C11orf71: variants seen among roughly 807,000 people sequenced by gnomAD.
C11orf71 encodes chromosome 11 open reading frame 71.
For synonymous variants in C11orf71, 72 were observed against 73.4 expected (o/e 0.98, Z 0.09); for missense variants, 179 against 167.6 (o/e 1.07, Z -0.38).
chr11:114,394,228 C>CTTTTCTTTTCTTTTCTTTCT, downstream of C11orf71, among the ~76,000 whole-genome samples: 123 of 48,560 alleles, frequency 2.5e-3, 1 homozygote, highest in Middle Eastern at 0.012. Flanking sequence ...CTTTTCTTTT[C>CTTTTCTTTTCTTTTCTTTCT]TTTCTTTTCT....
At chr11:114,397,839 C>T (rs888512193), downstream of C11orf71, among the ~76,000 whole-genome samples, 2 of 152,230 alleles carry the variant, frequency 1.3e-5, no homozygotes, top group African/African-American at 2.4e-5. Context: ...ATGGCACCCT[C>T]TTCCACTCCC....
chr11:114,396,509 G>A (rs1294564536), downstream of C11orf71, among the ~76,000 whole-genome samples: 1 of 152,182 alleles, frequency 6.6e-6, no homozygotes, highest in Non-Finnish European at 1.5e-5. Context: ...CACACATTTA[G>A]GATGAAGTAG....
rs1946165433 is a variant in C11orf71, at chr11:114,399,787, A to C, written c.*173T>G. 9.9e-7 allele frequency: 1 copy of C among 1,006,450 alleles called. No homozygotes were observed. Among genetic ancestry groups the C allele is most frequent in the South Asian group, 1.8e-5 (1 of 55,148 alleles). 62.3% of individuals were successfully genotyped at this position (1,006,450 alleles called of 1,614,324 possible). ...GTTCTGGCTGCATAAAACCACCTAA[A>C]TCAATCAACTGTTACACTTCCCTTA... On this transcript the variant is annotated 3_prime_UTR_variant, in exon 1 of 1. Coordinates refer to ENST00000623205, the MANE Select transcript of C11orf71 (RefSeq NM_001271562.2).
chr11:114,397,186 A>G (rs1426978269), downstream of C11orf71, among the ~76,000 whole-genome samples: 1 of 152,224 alleles, frequency 6.6e-6, no homozygotes, highest in African/African-American at 2.4e-5. Context: ...ATGGCTTTTT[A>G]AAAACTTACA....
chr11:114,395,895 A>T (rs1169081550), downstream of C11orf71, among the ~76,000 whole-genome samples: 1 of 152,156 alleles, frequency 6.6e-6, no homozygotes, highest in African/African-American at 2.4e-5. Context: ...CCATCTGCCT[A>T]ATTAGTAACA....
chr11:114,396,702 A>C (rs548020583), downstream of C11orf71, among the ~76,000 whole-genome samples: 3 of 152,364 alleles, frequency 2.0e-5, no homozygotes, highest in South Asian at 6.2e-4. Context: ...TCAAACATAC[A>C]TTTTGTTGGC....
At chr11:114,397,388 G>T (rs1429747433), downstream of C11orf71, among the ~76,000 whole-genome samples, 4 of 152,222 alleles carry the variant, frequency 2.6e-5, no homozygotes, top group Middle Eastern at 6.8e-3. Flanking sequence ...GTTTATGTTG[G>T]TTTGTGCTTC....
At chr11:114,396,531 C>A (rs1946132508), downstream of C11orf71, among the ~76,000 whole-genome samples, 1 of 152,098 alleles carries the variant, frequency 6.6e-6, no homozygotes, top group Admixed American at 6.5e-5. Context: ...GAGACAGAGG[C>A]AAAGAAAACA....
At chr11:114,393,097 T>A (rs1001461347) in intron 1 of C11orf71, among the ~76,000 whole-genome samples, 1 of 152,258 alleles carries the variant, frequency 6.6e-6, no homozygotes, top group Non-Finnish European at 1.5e-5. Context: ...TGCAGACTTA[T>A]GTTTCTCAAA....
At position 114,399,675 on chromosome 11, in the gene C11orf71, ATTG is replaced by A; in HGVS notation, c.*282_*284del. On this transcript the variant is annotated 3_prime_UTR_variant, in exon 1 of 1. Coordinates refer to ENST00000623205, the MANE Select transcript of C11orf71 (RefSeq NM_001271562.2). ...GTTAAGTGTCTGAGTTAACGAATGGATTGTTGACCTCTGGGGAGGGTGCTCCCA... is the reference window on the plus strand; with the variant it reads ...GTTAAGTGTCTGAGTTAACGAATGGATTGACCTCTGGGGAGGGTGCTCCCA... 2.7e-6 allele frequency: 1 copy of A among 370,012 alleles called. No individual in the cohort carries two copies. Among genetic ancestry groups the A allele is most frequent in the Non-Finnish European group, 4.9e-6 (1 of 204,878 alleles). The allele number at this position is 370,012 out of a possible 1,614,324, so 22.9% of individuals were successfully genotyped here.
rs368960261 is a variant in C11orf71, at chr11:114,400,133, G to A, written c.199C>T (p.Arg67Ter). The change falls in exon 1 of 1, where the codon CGA becomes TGA. Residue 67 changes from arginine (R) to a stop codon, truncating the protein, a stop_gained. Coordinates refer to ENST00000623205, the MANE Select transcript of C11orf71 (RefSeq NM_001271562.2). LOFTEE classifies it low-confidence loss of function (END_TRUNC). ...GGGCTCCGGCCGCCACCATCCACTC[G>A]ACGGCTCTCGGCCCGAACGCTTGGT... ...VRPSVRAESR[R>*]VDGGGRSPRE... 7.4e-6 allele frequency: 12 copies of A among 1,613,838 alleles called. No individual in the cohort carries two copies. The highest frequency in any genetic ancestry group is 6.6e-5 in the South Asian group (6 of 91,078).
rs1465366393 is a variant in C11orf71, at chr11:114,399,944, G to C, written c.*16C>G. 5 of 1,582,770 alleles carry C rather than the reference G, an allele frequency of 3.2e-6. No individual in the cohort carries two copies. The Admixed American group carries it at 8.6e-5, about 27-fold the overall frequency. Reference sequence around the variant, plus strand: ...CTGTTCACAAGCTAAGTGAGGGCCAGAGGAAAGGTGTTCGTTTAAACTGAA... The same window carrying C: ...CTGTTCACAAGCTAAGTGAGGGCCACAGGAAAGGTGTTCGTTTAAACTGAA... On this transcript the variant is annotated 3_prime_UTR_variant, in exon 1 of 1. Transcript: ENST00000623205.
downstream of C11orf71, among the ~76,000 whole-genome samples, chr11:114,393,970 A>G (rs183150939): frequency 3.5e-3 from 533 of 152,174 alleles, 1 homozygote; most frequent in African/African-American, 0.012. Flanking sequence ...GGTTAGCAGC[A>G]AACTAGAATA....
At chr11:114,398,268 ACTT>A (rs552502600), downstream of C11orf71, among the ~76,000 whole-genome samples, 260 of 152,302 alleles carry the variant, frequency 1.7e-3, no homozygotes, top group African/African-American at 6.0e-3. Flanking sequence ...TTACAAACTA[ACTT>A]CTTTTTAGTT....
downstream of C11orf71, among the ~76,000 whole-genome samples, chr11:114,397,215 A>T (rs11214979): frequency 0.12 from 18,778 of 152,248 alleles, 1,550 homozygotes; most frequent in South Asian, 0.25. Flanking sequence ...ATTGTTTGGG[A>T]CAATTCTTAG....
At chr11:114,394,234 T>C (rs1463323028), downstream of C11orf71, among the ~76,000 whole-genome samples, 12 of 47,320 alleles carry the variant, frequency 2.5e-4, no homozygotes, top group African/African-American at 2.5e-3. Flanking sequence ...TTTTCTTTCT[T>C]TTCTTTTCTT....
rs1463265806 is a variant in C11orf71 at position 114,391,599 on chromosome 11, C to T, written c.410G>A (p.Ser137Asn). Residue 137 changes from serine to asparagine, a missense_variant, in exon 2 of 2, where the codon AGC becomes AAC. Physicochemically the swap from Ser to Asn is conservative, Grantham distance 46 (BLOSUM62 1). Transcript: ENST00000325636. Reference sequence around the variant, plus strand: ...TAAAATTTCAAAAATATTTGAATGGCTGCATGTTGAACACCATCTTAAATC... The same window carrying T: ...TAAAATTTCAAAAATATTTGAATGGTTGCATGTTGAACACCATCTTAAATC... The T allele has an allele frequency of 1.4e-5, 22 of 1,537,124 alleles. No homozygotes were observed. In the East Asian group the frequency reaches 4.7e-4, roughly 33 times the overall value.
At chr11:114,394,209 T>TTTTCTTTTCTTTTCTTTTCTTTTCTTTTC (rs1565256405), downstream of C11orf71, among the ~76,000 whole-genome samples, 33 of 44,418 alleles carry the variant, frequency 7.4e-4, 4 homozygotes, top group African/African-American at 3.3e-3. Flanking sequence ...TTTTCTTTTC[T>TTTTCTTTTCTTTTCTTTTCTTTTCTTTTC]TTTCTTTTCT....
At chr11:114,394,836 T>C (rs1946118509), downstream of C11orf71, among the ~76,000 whole-genome samples, 1 of 151,870 alleles carries the variant, frequency 6.6e-6, no homozygotes, top group Admixed American at 6.6e-5. Context: ...ACATCTTGGA[T>C]TAGGAGCTAA....
Sources: gnomAD v4.1 joint callset for allele counts (sites outside exome capture counted in the v4.1 genomes callset) on GRCh38, gnomAD v4.1.1 for gene constraint, MANE v1.5 for transcripts, NCBI Gene and HGNC (gene_info 2026-07-23, HGNC 2026-07-21) for gene names.